The following FCHSD2 variants were observed in gnomAD, a reference collection of about 807,000 sequenced individuals.
FCHSD2 encodes the protein FCH and double SH3 domains 2.
A neutral mutation model predicts 108.1 loss-of-function variants in FCHSD2; 38 were observed. That is an observed-to-expected ratio of 0.35 (90% confidence interval 0.27 to 0.46). FCHSD2 has a LOEUF of 0.46. Among genes scored for constraint, FCHSD2 ranks in the 20% least tolerant of loss-of-function variants. FCHSD2 has a pLI of 1.00. For synonymous variants in FCHSD2, 279 were observed against 314.7 expected (o/e 0.89, Z 1.20); for missense variants, 751 against 897.8 (o/e 0.84, Z 2.09).
chr11:73,053,145 CTTTTTTTTTTTTT>C (rs771262833), intron 3 of FCHSD2, among the ~76,000 whole-genome samples: 2 of 102,972 alleles, frequency 1.9e-5, no homozygotes, highest in Non-Finnish European at 4.1e-5. Flanking sequence ...TGCACCCAGC[CTTTTTTTTTTTTT>C]TTTTTTTTGG....
chr11:72,902,338 T>G (rs1329365535), intron 10 of FCHSD2, among the ~76,000 whole-genome samples: 1 of 152,146 alleles, frequency 6.6e-6, no homozygotes, highest in Non-Finnish European at 1.5e-5. Flanking sequence ...CCTCATTTGG[T>G]AGAAGGTTGC....
intron 8 of FCHSD2, among the ~76,000 whole-genome samples, chr11:72,972,288 G>A (rs906433065): frequency 1.3e-5 from 2 of 152,244 alleles, no homozygotes; most frequent in East Asian, 3.9e-4. Flanking sequence ...ATATTTTTAT[G>A]AGTTTACCTC....
chr11:73,086,895 T>G (rs911220461), intron 2 of FCHSD2, among the ~76,000 whole-genome samples: 1 of 152,238 alleles, frequency 6.6e-6, no homozygotes, highest in African/African-American at 2.4e-5. Flanking sequence ...ACAAATCTGA[T>G]ATATGCTACA....
intron 8 of FCHSD2, among the ~76,000 whole-genome samples, chr11:72,974,677 G>A (rs913147358): frequency 3.3e-5 from 5 of 152,138 alleles, no homozygotes; most frequent in Middle Eastern, 3.4e-3. Flanking sequence ...GTTACTTTCA[G>A]TATTCACAAG....
intron 3 of FCHSD2, among the ~76,000 whole-genome samples, chr11:73,055,121 T>C (rs976207812): frequency 6.6e-6 from 1 of 152,066 alleles, no homozygotes; most frequent in African/African-American, 2.4e-5. Flanking sequence ...CAGGCACTTA[T>C]AAAAACCATC....
At chr11:72,921,795 A>G (rs777318413) in intron 9 of FCHSD2, 33 bp downstream of exon 9, 1 of 1,582,690 alleles carries the variant, frequency 6.3e-7, no homozygotes, top group Non-Finnish European at 8.7e-7. Context: ...TCTAAGTTGG[A>G]TAACACTACA....
chr11:72,886,885 G>A (rs1180902782), intron 12 of FCHSD2, among the ~76,000 whole-genome samples: 5 of 152,074 alleles, frequency 3.3e-5, no homozygotes, highest in Non-Finnish European at 7.4e-5. Context: ...ACATTTTTGT[G>A]TGTGGGAGAG....
At chr11:72,891,923 T>A (rs1295911490) in intron 10 of FCHSD2, among the ~76,000 whole-genome samples, 2 of 152,218 alleles carry the variant, frequency 1.3e-5, no homozygotes, top group Non-Finnish European at 2.9e-5. Context: ...AAGACCCAAT[T>A]GAAAATTACT....
intron 3 of FCHSD2, among the ~76,000 whole-genome samples, chr11:73,042,908 C>G (rs1394636765): frequency 1.3e-5 from 2 of 151,970 alleles, no homozygotes; most frequent in African/African-American, 2.4e-5. Context: ...GATTTTGTAT[C>G]CTGCAATTCT....
intron 4 of FCHSD2, among the ~76,000 whole-genome samples, chr11:73,014,124 C>CTTTT (rs947652108): frequency 1.2e-4 from 10 of 86,568 alleles, no homozygotes; most frequent in Non-Finnish European, 1.3e-4. Flanking sequence ...TGTGTGGTTT[C>CTTTT]TTTTTTTTTT....
chr11:73,046,375 A>C (rs149408946), intron 3 of FCHSD2, among the ~76,000 whole-genome samples: 1 of 152,232 alleles, frequency 6.6e-6, no homozygotes, highest in Non-Finnish European at 1.5e-5. Context: ...TGGCCAATAC[A>C]GCAAGAATGC....
intron 3 of FCHSD2, among the ~76,000 whole-genome samples, chr11:73,018,328 G>A (rs1858019091): frequency 6.6e-6 from 1 of 152,170 alleles, no homozygotes; most frequent in African/African-American, 2.4e-5. Context: ...ATCTAGGCAA[G>A]TTCTCATTCT....
intron 2 of FCHSD2, among the ~76,000 whole-genome samples, chr11:73,084,788 A>G (rs1018001714): frequency 2.6e-4 from 40 of 152,354 alleles, no homozygotes; most frequent in African/African-American, 9.1e-4. Context: ...GGTATATAAA[A>G]TAACAGTGTA....
intron 10 of FCHSD2, among the ~76,000 whole-genome samples, chr11:72,898,729 T>G (rs1249272720): frequency 0.025 from 1 of 40 alleles, no homozygotes; most frequent in East Asian, 0.25. Context: ...TTTCTTTCTA[T>G]TTTTTTTTTT....
intron 8 of FCHSD2, among the ~76,000 whole-genome samples, chr11:72,931,051 A>AATATAT (rs147983751): frequency 6.8e-6 from 1 of 146,690 alleles, no homozygotes; most frequent in East Asian, 2.0e-4. Context: ...GTGCCTCACA[A>AATATAT]ATATATATAT....
chr11:73,010,564 A>G lies in FCHSD2; in HGVS notation c.242+5245T>C, dbSNP rs1857840440. 2.0e-5 allele frequency among the ~76,000 whole-genome samples: 3 copies of G among 152,332 alleles called. No homozygotes were observed. The South Asian group carries it at 6.2e-4, about 32-fold the overall frequency. ...CTGTAGGGAATGTTTTCCTGAAGATAGATCTATGGTGTTGTTTGGTAGGGC... is the reference window on the plus strand; with the variant it reads ...CTGTAGGGAATGTTTTCCTGAAGATGGATCTATGGTGTTGTTTGGTAGGGC... On this transcript the variant is annotated intron_variant, in intron 4 of 19. Coordinates refer to ENST00000409418, the MANE Select transcript of FCHSD2 (RefSeq NM_014824.3).
At chr11:72,970,801 G>A (rs1856993241) in intron 8 of FCHSD2, among the ~76,000 whole-genome samples, 1 of 152,050 alleles carries the variant, frequency 6.6e-6, no homozygotes. Context: ...CACCAATTTT[G>A]GGGTTAGGTA....
In FCHSD2 at chr11:72,837,829, C is replaced by G. The variant is rs1181234658; in HGVS notation, c.*962G>C. The stretch of plus-strand genomic sequence containing the variant: ...TTGGTCTGGACCAGCCACAGCCTGG[C>G]TGTCTGGGCCGGTCTGCTGGCTTGG... On this transcript the variant is annotated 3_prime_UTR_variant, in exon 20 of 20. Transcript: ENST00000409418. 6.6e-6 allele frequency: 1 copy of G among 152,226 alleles called. No homozygotes were observed. The highest frequency in any genetic ancestry group is 2.4e-5 in the African/African-American group (1 of 41,458). 9.4% of individuals were successfully genotyped at this position (152,226 alleles called of 1,614,324 possible).
At chr11:72,941,139 C>T (rs1478648285) in intron 8 of FCHSD2, 8 of 468,216 alleles carry the variant, frequency 1.7e-5, no homozygotes, top group East Asian at 7.2e-5. Context: ...AAAATTCATA[C>T]CTCATAATTT....
Sources: allele counts gnomAD v4.1 joint callset (sites outside exome capture counted in the v4.1 genomes callset), GRCh38; gene constraint gnomAD v4.1.1; transcripts MANE v1.5; gene names NCBI Gene and HGNC (gene_info 2026-07-23, HGNC 2026-07-21).